RYR2: variants seen among roughly 807,000 people sequenced by gnomAD.
The protein encoded by RYR2 is ryanodine receptor 2.
Under a neutral mutation model 601.1 loss-of-function variants are expected in RYR2, and 227 were observed. The ratio of observed to expected loss-of-function variants is 0.38; its 90% CI spans 0.34 to 0.42. The LOEUF (loss-of-function observed/expected upper bound fraction) is 0.42, where lower values mean the gene tolerates loss of function less well. Among genes scored for constraint, RYR2 ranks in the 10% least tolerant of loss-of-function variants. The pLI is 1.00. For missense variants in RYR2, 4,646 were observed against 6,156.5 expected, an observed-to-expected ratio of 0.75 and a Z score of 8.21; for synonymous variants, 2,223 against 2,175.1, an observed-to-expected ratio of 1.02 and a Z score of -0.61.
chr1:237,821,272 A>G (rs1224068129), intron 101 of RYR2, among the ~76,000 whole-genome samples: 2 of 152,130 alleles, frequency 1.3e-5, no homozygotes, highest in Non-Finnish European at 2.9e-5. Flanking sequence ...CTTATACAGG[A>G]GAGCCCTGGC....
chr1:237,583,759 T>C lies in RYR2; in HGVS notation c.3599-6034T>C, dbSNP rs77783267. ...TGTGATCTGCTTTATCTTCCTTTTA[T>C]TGTAGCCCCAAACAGAGATTTCAAG... On this transcript the variant is annotated intron_variant, in intron 29 of 104. Coordinates refer to ENST00000366574, the MANE Select transcript of RYR2 (RefSeq NM_001035.3). 1.5e-3 allele frequency among the ~76,000 whole-genome samples: 234 copies of C among 152,330 alleles called. 4 individuals are homozygous for C. The East Asian group carries it at 0.032, about 21-fold the overall frequency.
chr1:237,223,890 A>G (rs1684086531), intron 1 of RYR2, among the ~76,000 whole-genome samples: 1 of 152,226 alleles, frequency 6.6e-6, no homozygotes, highest in African/African-American at 2.4e-5. Flanking sequence ...CTGTAAGGCA[A>G]AACTTTTTCA....
At chr1:237,173,135 G>A (rs1677605674) in intron 1 of RYR2, among the ~76,000 whole-genome samples, 1 of 151,924 alleles carries the variant, frequency 6.6e-6, no homozygotes, top group Admixed American at 6.6e-5. Flanking sequence ...TGCAACCCAG[G>A]TGCCTTGATA....
chr1:237,283,851 T>A (rs1572467607), intron 2 of RYR2, among the ~76,000 whole-genome samples: 1 of 152,220 alleles, frequency 6.6e-6, no homozygotes, highest in East Asian at 1.9e-4. Flanking sequence ...GGTATTTGGT[T>A]ACATGAGTAA....
At chr1:237,646,168 T>C (rs903408401) in intron 48 of RYR2, among the ~76,000 whole-genome samples, 4 of 151,946 alleles carry the variant, frequency 2.6e-5, no homozygotes, top group South Asian at 2.1e-4. Flanking sequence ...TGAGCCACCG[T>C]GCCCGGCCAA....
chr1:237,153,621 T>C (rs1248707033), intron 1 of RYR2, among the ~76,000 whole-genome samples: 1 of 151,788 alleles, frequency 6.6e-6, no homozygotes, highest in Non-Finnish European at 1.5e-5. Flanking sequence ...CAGGGATAGT[T>C]GTTGAAGGTT....
chr1:237,446,083 G>A (rs1212753154), intron 14 of RYR2, among the ~76,000 whole-genome samples: 1 of 152,116 alleles, frequency 6.6e-6, no homozygotes, highest in Non-Finnish European at 1.5e-5. Flanking sequence ...CCAAAGTGCT[G>A]GGATTACAGG....
intron 16 of RYR2, among the ~76,000 whole-genome samples, chr1:237,457,399 T>C (rs898752670): frequency 6.6e-6 from 1 of 152,214 alleles, no homozygotes; most frequent in Admixed American, 6.5e-5. Context: ...CTGTAGCTTC[T>C]ACTTGTCTCT....
At chr1:237,454,124 T>C (rs1658514266) in intron 14 of RYR2, among the ~76,000 whole-genome samples, 1 of 152,140 alleles carries the variant, frequency 6.6e-6, no homozygotes, top group Admixed American at 6.6e-5. Context: ...ATTCCTACTA[T>C]TGGTTTTGTA....
chr1:237,832,354 CAT>C (rs1188862659), intron 104 of RYR2, among the ~76,000 whole-genome samples, 196 bp from the exon 105 acceptor site: 2 of 152,076 alleles, frequency 1.3e-5, no homozygotes, highest in East Asian at 3.9e-4. Context: ...GCCCAGCCAA[CAT>C]ATTTTTATCA....
rs1275637798 is a variant in RYR2 at position 237,522,389 on chromosome 1, G to A, written c.2823-8038G>A. Among the ~76,000 whole-genome samples, 7 of 152,370 alleles carry A rather than the reference G, an allele frequency of 4.6e-5. No homozygotes were observed. The East Asian group carries it at 9.6e-4, about 21-fold the overall frequency. On this transcript the variant is annotated intron_variant, in intron 24 of 104. Coordinates refer to ENST00000366574, the MANE Select transcript of RYR2 (RefSeq NM_001035.3). Reference sequence around the variant, plus strand: ...CACATTCAAAGAGCTGTCCTAGGCCGCATGTAGCCCGCAGGCTGCGTGTTG... The same window carrying A: ...CACATTCAAAGAGCTGTCCTAGGCCACATGTAGCCCGCAGGCTGCGTGTTG...
intron 2 of RYR2, among the ~76,000 whole-genome samples, chr1:237,289,944 A>G (rs994831789): frequency 6.6e-6 from 1 of 152,204 alleles, no homozygotes. Context: ...TTATATTTCA[A>G]TGCAAATGGT....
chr1:237,626,944 G>C (rs615869), intron 40 of RYR2, among the ~76,000 whole-genome samples: 1 of 151,836 alleles, frequency 6.6e-6, no homozygotes, highest in Non-Finnish European at 1.5e-5. Flanking sequence ...TAAAATGACA[G>C]TGTGGTTTTC....
intron 2 of RYR2, among the ~76,000 whole-genome samples, chr1:237,314,063 CTTTTTTTTTTT>C (rs397983391): frequency 1.2e-5 from 1 of 82,336 alleles, no homozygotes; most frequent in Non-Finnish European, 2.1e-5. Context: ...ACATGAATTT[CTTTTTTTTTTT>C]TTTTTTTTGA....
At chr1:237,271,689 A>G (rs1689699481) in intron 2 of RYR2, among the ~76,000 whole-genome samples, 1 of 152,208 alleles carries the variant, frequency 6.6e-6, no homozygotes, top group Admixed American at 6.5e-5. Flanking sequence ...CAGACAATAC[A>G]GTATCTAAGA....
chr1:237,413,588 A>G (rs1481943681), intron 10 of RYR2, among the ~76,000 whole-genome samples: 1 of 152,074 alleles, frequency 6.6e-6, no homozygotes, highest in African/African-American at 2.4e-5. Context: ...ACCTTATGTA[A>G]TTGTTCCTCT....
intron 17 of RYR2, among the ~76,000 whole-genome samples, chr1:237,491,592 T>C (rs980065610): frequency 1.3e-5 from 2 of 152,198 alleles, no homozygotes; most frequent in Non-Finnish European, 2.9e-5. Context: ...GTTGTTTGCC[T>C]TTTCTTCCCT....
intron 11 of RYR2, among the ~76,000 whole-genome samples, chr1:237,418,863 A>C (rs1705273079): frequency 6.6e-6 from 1 of 152,072 alleles, no homozygotes; most frequent in Non-Finnish European, 1.5e-5. Context: ...AATCTACCTA[A>C]ATATTAAAAC....
At chr1:237,448,443 T>G (rs966947214) in intron 14 of RYR2, among the ~76,000 whole-genome samples, 4 of 152,214 alleles carry the variant, frequency 2.6e-5, no homozygotes, top group Non-Finnish European at 5.9e-5. Context: ...GGTAAATGTT[T>G]CATGTGAATT....
Sources: allele counts gnomAD v4.1 joint callset (sites outside exome capture counted in the v4.1 genomes callset), GRCh38; gene constraint gnomAD v4.1.1; transcripts MANE v1.5; gene names NCBI Gene and HGNC (gene_info 2026-07-23, HGNC 2026-07-21).